Variants in NSUN6 observed in about 807,000 individuals in gnomAD.
The protein encoded by NSUN6 is tRNA (cytosine(72)-C(5))-methyltransferase NSUN6.
A neutral mutation model predicts 58.0 loss-of-function variants in NSUN6; 64 were observed. That is an observed-to-expected ratio of 1.10 (90% confidence interval 0.90 to 1.36). The LOEUF (loss-of-function observed/expected upper bound fraction) is 1.36. NSUN6 is among the 40% of genes most tolerant of loss of function. The pLI, the probability that NSUN6 is intolerant of heterozygous loss-of-function variation, is 0.00. For missense variants in NSUN6, 701 were observed against 550.1 expected, an observed-to-expected ratio of 1.27 and a Z score of -2.74; for synonymous variants, 231 against 193.9, an observed-to-expected ratio of 1.19 and a Z score of -1.59.
At chr10:18,578,612 G>A (rs1197194963) in intron 8 of NSUN6, among the ~76,000 whole-genome samples, 1 of 152,120 alleles carries the variant, frequency 6.6e-6, no homozygotes, top group Non-Finnish European at 1.5e-5. Context: ...TCCTTAGACT[G>A]TTGGTTTATA....
upstream of NSUN6, chr10:18,653,369 T>A: frequency 1.0e-6 from 1 of 973,150 alleles, no homozygotes. Flanking sequence ...ATTGAGGACA[T>A]TTAGACTTTT....
At chr10:18,553,927 C>T (rs62648403) in intron 8 of NSUN6, among the ~76,000 whole-genome samples, 52 of 133,306 alleles carry the variant, frequency 3.9e-4, no homozygotes, top group East Asian at 7.1e-4. Flanking sequence ...GAATGGAGAA[C>T]GGTATGGAAT....
intron 8 of NSUN6, among the ~76,000 whole-genome samples, chr10:18,556,513 C>T (rs12768314): frequency 4.6e-5 from 6 of 131,850 alleles, no homozygotes; most frequent in Non-Finnish European, 6.5e-5. Flanking sequence ...TGGAATGGAA[C>T]GGAGAATGGA....
chr10:18,615,983 A>G (rs2058394950), intron 4 of NSUN6, among the ~76,000 whole-genome samples: 1 of 134,940 alleles, frequency 7.4e-6, no homozygotes, highest in Non-Finnish European at 1.7e-5. Flanking sequence ...TTTGGAAGGA[A>G]AAAAAAAAAA....
At position 18,629,274 on chromosome 10, in the gene NSUN6, C is replaced by T. The variant is rs1273201302; in HGVS notation, c.312-12981G>A. Reference sequence around the variant, plus strand: ...AGGAAGCACTAAACATGGAAAGGAACAACTGCTACCAGCCACTGCAAAATC... The same window carrying T: ...AGGAAGCACTAAACATGGAAAGGAATAACTGCTACCAGCCACTGCAAAATC... On this transcript the variant is annotated intron_variant, in intron 3 of 10. Transcript: ENST00000377304. 2.0e-5 allele frequency among the ~76,000 whole-genome samples: 3 copies of T among 152,258 alleles called. No individual in the cohort carries two copies. The East Asian group carries it at 5.8e-4, about 29-fold the overall frequency.
chr10:18,627,623 C>G (rs2058861276), intron 3 of NSUN6, among the ~76,000 whole-genome samples: 1 of 152,194 alleles, frequency 6.6e-6, no homozygotes. Context: ...CAGGGAGTTC[C>G]CTTTCCTAGT....
At chr10:18,586,173 A>G (rs1401399249) in intron 7 of NSUN6, 80 bp from the exon 8 acceptor site, 1 of 1,160,350 alleles carries the variant, frequency 8.6e-7, no homozygotes, top group East Asian at 2.6e-5. Flanking sequence ...AATAATGAGA[A>G]AAACATGAAA....
intron 2 of NSUN6, among the ~76,000 whole-genome samples, chr10:18,647,039 C>A (rs2059566323): frequency 6.6e-6 from 1 of 152,106 alleles, no homozygotes; most frequent in African/African-American, 2.4e-5. Flanking sequence ...TTTAAAAAAT[C>A]TTATTTAATT....
intron 2 of NSUN6, among the ~76,000 whole-genome samples, chr10:18,642,791 G>C (rs1448402932): frequency 1.3e-5 from 2 of 151,966 alleles, no homozygotes; most frequent in African/African-American, 4.8e-5. Context: ...CTTACTATTT[G>C]GCATTATAAA....
At chr10:18,599,387 C>T (rs564102753) in intron 6 of NSUN6, among the ~76,000 whole-genome samples, 4 of 152,134 alleles carry the variant, frequency 2.6e-5, no homozygotes, top group Admixed American at 2.0e-4. Flanking sequence ...CCACTGTGCC[C>T]GGTGACAGAG....
At chr10:18,559,413 G>A (rs1472687310) in intron 8 of NSUN6, among the ~76,000 whole-genome samples, 2 of 147,336 alleles carry the variant, frequency 1.4e-5, no homozygotes, top group African/African-American at 4.9e-5. Flanking sequence ...GAATGGAATG[G>A]GGAATGGAAT....
chr10:18,614,105 C>A (rs2058329162), intron 5 of NSUN6, among the ~76,000 whole-genome samples: 1 of 151,770 alleles, frequency 6.6e-6, no homozygotes, highest in South Asian at 2.1e-4. Flanking sequence ...CAAACTTTTT[C>A]TGACAAATAA....
chr10:18,579,450 G>C (rs1252392232), intron 8 of NSUN6, among the ~76,000 whole-genome samples: 1 of 152,160 alleles, frequency 6.6e-6, no homozygotes, highest in African/African-American at 2.4e-5. Context: ...GATTACATGC[G>C]TGAGCCACGT....
chr10:18,606,208 G>C (rs2058042416), intron 6 of NSUN6, among the ~76,000 whole-genome samples: 1 of 152,138 alleles, frequency 6.6e-6, no homozygotes, highest in Admixed American at 6.6e-5. Context: ...ACAAACAGCA[G>C]ATTCCTGTAG....
intron 8 of NSUN6, among the ~76,000 whole-genome samples, chr10:18,565,768 A>G (rs1447212708): frequency 1.4e-5 from 2 of 138,014 alleles, no homozygotes; most frequent in Admixed American, 7.4e-5. Context: ...ATTCCATTCC[A>G]TCCTCCCTTT....
chr10:18,636,310 C>T (rs1219857148), intron 3 of NSUN6, among the ~76,000 whole-genome samples: 3 of 150,530 alleles, frequency 2.0e-5, no homozygotes, highest in African/African-American at 7.4e-5. Context: ...GCACTGCATC[C>T]ATGTGAATTA....
At chr10:18,646,413 G>T (rs543117747) in intron 2 of NSUN6, among the ~76,000 whole-genome samples, 1 of 152,064 alleles carries the variant, frequency 6.6e-6, no homozygotes, top group Non-Finnish European at 1.5e-5. Context: ...GACTCTGACC[G>T]AAGCTTCCCT....
chr10:18,653,685 C>T (rs1490705210), upstream of NSUN6, among the ~76,000 whole-genome samples: 3 of 152,152 alleles, frequency 2.0e-5, no homozygotes, highest in African/African-American at 7.2e-5. Flanking sequence ...TTAGACTATT[C>T]TTGACTAGAT....
At chr10:18,644,501 C>CTTTTT (rs35934175) in intron 2 of NSUN6, among the ~76,000 whole-genome samples, 1,583 of 146,458 alleles carry the variant, frequency 0.011, 39 homozygotes, top group African/African-American at 0.037. Flanking sequence ...TAAGGTATGT[C>CTTTTT]TTTTTTTTTT....
Sources: allele counts gnomAD v4.1 joint callset (sites outside exome capture counted in the v4.1 genomes callset), GRCh38; gene constraint gnomAD v4.1.1; transcripts MANE v1.5; gene names NCBI Gene and HGNC (gene_info 2026-07-23, HGNC 2026-07-21).